The following ACOT9 variants were observed in gnomAD, a reference collection of about 807,000 sequenced individuals.
ACOT9 encodes acyl-CoA thioesterase 9, also known as acyl-coenzyme A thioesterase 9, mitochondrial.
Under a neutral mutation model 39.7 loss-of-function variants are expected in ACOT9, and 34 were observed. The ratio of observed to expected loss-of-function variants is 0.86; its 90% CI spans 0.65 to 1.14. ACOT9 has a LOEUF of 1.14. Among genes scored for constraint, ACOT9 ranks in the 50% most tolerant of loss-of-function variants. The pLI is 0.00. For synonymous variants in ACOT9, 110 were observed against 120.5 expected, an observed-to-expected ratio of 0.91 and a Z score of 0.57; for missense variants, 313 against 344.1, an observed-to-expected ratio of 0.91 and a Z score of 0.71.
Position 23,731,044 on chromosome X carries a change from G to A in ACOT9, c.192-58C>T, listed in dbSNP as rs1263828813. On this transcript the variant is annotated intron_variant, in intron 4 of 15. Transcript: ENST00000379303. ...AGAGCAGTTCTAGCCCACAATTCCA[G>A]TGGTACACAGGCCAGTAAGATACCA... is the stretch of plus-strand genomic sequence containing the variant. 3.9e-6 allele frequency: 4 copies of A among 1,027,829 alleles called. No individual in the cohort carries two copies. The East Asian group carries it at 1.2e-4, about 32-fold the overall frequency. The allele number at this position is 1,027,829 out of a possible 1,213,427, so 84.7% of individuals were successfully genotyped here. A position where few individuals can be genotyped will look rare whatever the true frequency, so the allele number is the denominator to read the frequency against.
chrX:23,736,080 T>C, intron 1 of ACOT9, 64 bp from the exon 2 acceptor site: 1 of 932,625 alleles, frequency 1.1e-6, no homozygotes, highest in Non-Finnish European at 1.5e-6. Context: ...CCTAAAGACC[T>C]ACCCTCCTCC....
At chrX:23,718,964 T>C (rs1414318690) in intron 8 of ACOT9, among the ~76,000 whole-genome samples, 1 of 106,629 alleles carries the variant, frequency 9.4e-6, no homozygotes, top group Non-Finnish European at 1.9e-5. Flanking sequence ...CCCAGCAATG[T>C]TTTGTTTTTA....
intron 1 of ACOT9, 86 bp from the exon 2 acceptor site, chrX:23,736,102 G>A (rs758481302): frequency 1.2e-5 from 9 of 722,112 alleles, no homozygotes; most frequent in Non-Finnish European, 1.9e-5. Context: ...AGAGTATCTG[G>A]CCATATCACC....
At chrX:23,741,679 A>G (rs1920966014) in intron 1 of ACOT9, among the ~76,000 whole-genome samples, 2 of 111,925 alleles carry the variant, frequency 1.8e-5, no homozygotes, top group Admixed American at 9.5e-5. Flanking sequence ...TTAAGGTTCA[A>G]TAGTTTTTTG....
chrX:23,725,773 C>T (rs778461505), intron 6 of ACOT9, among the ~76,000 whole-genome samples: 1 of 107,899 alleles, frequency 9.3e-6, no homozygotes, highest in Non-Finnish European at 1.9e-5. Flanking sequence ...GCTGTGATCA[C>T]GCCACTGCAC....
chrX:23,726,944 C>T (rs1929547902), intron 6 of ACOT9, among the ~76,000 whole-genome samples: 1 of 109,609 alleles, frequency 9.1e-6, no homozygotes, highest in Non-Finnish European at 1.9e-5. Flanking sequence ...CTCAGCCTCC[C>T]GAGTAGCTGG....
intron 6 of ACOT9, among the ~76,000 whole-genome samples, chrX:23,727,953 G>A (rs190407795): frequency 2.0e-5 from 2 of 102,052 alleles, no homozygotes; most frequent in East Asian, 3.2e-4. Context: ...AGCCAAGATC[G>A]GACCACTCTA....
At position 23,740,977 on chromosome X, in the gene ACOT9, G is replaced by C. The variant is rs1339072852; in HGVS notation, c.20+2148C>G. On this transcript the variant is annotated intron_variant, in intron 1 of 15. Coordinates refer to ENST00000379303, the MANE Select transcript of ACOT9 (RefSeq NM_001037171.2). ...CAAAGGAGATCAAGAAACTCAAGGCGGGGGGAGTGGGGAGGGACAGCATTA... is the reference window on the plus strand; with the variant it reads ...CAAAGGAGATCAAGAAACTCAAGGCCGGGGGAGTGGGGAGGGACAGCATTA... 4.6e-5 allele frequency among the ~76,000 whole-genome samples: 5 copies of C among 109,268 alleles called. No homozygotes were observed. In the Admixed American group the frequency reaches 5.0e-4, roughly 11 times the overall value. The allele number at this position is 109,268 out of a possible 115,157, so 94.9% of individuals were successfully genotyped here.
intron 6 of ACOT9, among the ~76,000 whole-genome samples, chrX:23,729,674 C>T: frequency 8.9e-6 from 1 of 112,248 alleles, no homozygotes; most frequent in South Asian, 3.6e-4. Context: ...CTCTGTCGCC[C>T]AGGCTGGAGT....
At chrX:23,724,209 C>T (rs977364804) in intron 6 of ACOT9, among the ~76,000 whole-genome samples, 1 of 111,194 alleles carries the variant, frequency 9.0e-6, no homozygotes, top group East Asian at 2.9e-4. Flanking sequence ...CTGTAGTTAG[C>T]CATGATCATG....
intron 7 of ACOT9, among the ~76,000 whole-genome samples, chrX:23,722,449 A>AGCTAC (rs1291795843): frequency 9.1e-6 from 1 of 110,101 alleles, no homozygotes; most frequent in East Asian, 2.8e-4. Context: ...CTGTAATCTC[A>AGCTAC]GCTACTCGGG....
intron 15 of ACOT9, among the ~76,000 whole-genome samples, 193 bp from the exon 16 acceptor site, chrX:23,704,175 T>G (rs1200629140): frequency 1.1e-5 from 1 of 93,588 alleles, no homozygotes; most frequent in Non-Finnish European, 2.1e-5. Flanking sequence ...AGTTTTTTTT[T>G]TTTTTTTTTT....
At position 23,743,247 on chromosome X, in the gene ACOT9, T is replaced by C. The variant is rs189001196; in HGVS notation, c.-103A>G. ...GACGCACGAGTACCAGACCGCGCCC[T>C]TGCTGAGGACAGCCCGGGAGCCGGA... On this transcript the variant is annotated 5_prime_UTR_variant, in exon 1 of 16. Coordinates refer to ENST00000379303, the MANE Select transcript of ACOT9 (RefSeq NM_001037171.2). 2,177 of 1,017,807 alleles carry C rather than the reference T, an allele frequency of 2.1e-3. 22 individuals are homozygous for C. The African/African-American group carries it at 0.035, about 17-fold the overall frequency. The allele number at this position is 1,017,807 out of a possible 1,213,427, so 83.9% of individuals were successfully genotyped here.
intron 4 of ACOT9, among the ~76,000 whole-genome samples, chrX:23,732,609 T>C (rs1929795688): frequency 8.9e-6 from 1 of 111,785 alleles, no homozygotes; most frequent in Non-Finnish European, 1.9e-5. Flanking sequence ...TTATTATATA[T>C]CTAGTGATCA....
At chrX:23,737,908 G>A (rs7890994) in intron 1 of ACOT9, among the ~76,000 whole-genome samples, 1,714 of 99,220 alleles carry the variant, frequency 0.017, 38 homozygotes, top group African/African-American at 0.062. Flanking sequence ...TCGCTCTGTC[G>A]CCCAGGCTGG....
At chrX:23,719,867 C>T (rs956751161) in intron 8 of ACOT9, among the ~76,000 whole-genome samples, 13 of 108,227 alleles carry the variant, frequency 1.2e-4, no homozygotes, top group African/African-American at 3.7e-4. Flanking sequence ...GACGGAGTCT[C>T]GCTCTGTCGC....
In ACOT9 at chrX:23,703,763, TA is replaced by T; in HGVS notation, c.*130del. 2.0e-6 allele frequency: 1 copy of T among 501,790 alleles called. No homozygotes were observed. Among genetic ancestry groups the T allele is most frequent in the Non-Finnish European group, 3.4e-6 (1 of 294,353 alleles). 41.4% of individuals were successfully genotyped at this position (501,790 alleles called of 1,213,427 possible). A position where few individuals can be genotyped will look rare whatever the true frequency, so the allele number is the denominator to read the frequency against. ...TCTCTTTCTGCTTTTCTGATCATCCTAAAGGCTGAATACATCCTCCTCCTGT... is the reference window on the plus strand; with the variant it reads ...TCTCTTTCTGCTTTTCTGATCATCCTAAGGCTGAATACATCCTCCTCCTGT... On this transcript the variant is annotated 3_prime_UTR_variant, in exon 16 of 16. Coordinates refer to ENST00000379303, the MANE Select transcript of ACOT9 (RefSeq NM_001037171.2).
intron 1 of ACOT9, among the ~76,000 whole-genome samples, chrX:23,742,236 G>GAGAGAGAGAGAC (rs1491468359): frequency 1.7e-5 from 1 of 60,573 alleles, no homozygotes; most frequent in African/African-American, 8.3e-5. Flanking sequence ...GAGAGAGAGA[G>GAGAGAGAGAGAC]GGAGAGAGAG....
At chrX:23,737,606 T>C (rs747772381) in intron 1 of ACOT9, among the ~76,000 whole-genome samples, 2 of 111,554 alleles carry the variant, frequency 1.8e-5, no homozygotes, top group East Asian at 5.6e-4. Flanking sequence ...TTTCACCAAG[T>C]CAAATCATCT....
Sources: gnomAD v4.1 joint callset for allele counts (sites outside exome capture counted in the v4.1 genomes callset) on GRCh38, gnomAD v4.1.1 for gene constraint, MANE v1.5 for transcripts, NCBI Gene and HGNC (gene_info 2026-07-23, HGNC 2026-07-21) for gene names.